ITGA10: variants seen among roughly 807,000 people sequenced by gnomAD.
The protein encoded by ITGA10 is integrin alpha-10.
In ITGA10, 105 loss-of-function variants were observed where a neutral mutation model predicts 145.2. The ratio of observed to expected loss-of-function variants is 0.72; its 90% CI spans 0.62 to 0.85. The LOEUF (loss-of-function observed/expected upper bound fraction) is 0.85, where lower values mean the gene tolerates loss of function less well. Among genes scored for constraint, ITGA10 ranks in the 40% least tolerant of loss-of-function variants. ITGA10 has a pLI of 0.00. For missense variants in ITGA10, 1,317 were observed against 1,444.5 expected (o/e 0.91, Z 1.43); for synonymous variants, 506 against 557.8 (o/e 0.91, Z 1.31).
In ITGA10 at chr1:145,896,061, G is replaced by A. The variant is rs1655353288; in HGVS notation, c.2955C>T (p.Leu985=). 1 of 1,614,198 alleles carries A rather than the reference G, an allele frequency of 6.2e-7. No individual in the cohort carries two copies. The highest frequency in any genetic ancestry group is 8.5e-7 in the Non-Finnish European group (1 of 1,180,040). Residue 985 remains leucine, a synonymous_variant, in exon 25 of 30, where the codon CTC becomes CTT. Coordinates refer to ENST00000369304, the MANE Select transcript of ITGA10 (RefSeq NM_003637.5). The part of the protein sequence containing the change: ...QNLGCYVVSG[L]IISALLPAVA... ...CAGCTGGAAGGAGGGCTGAGATGATGAGGCCACTGACCACATAGCAGCCTA... is the reference window on the plus strand; with the variant it reads ...CAGCTGGAAGGAGGGCTGAGATGATAAGGCCACTGACCACATAGCAGCCTA...
chr1:145,905,114 T>A lies in ITGA10; in HGVS notation c.482-303A>T, dbSNP rs868993882. On this transcript the variant is annotated intron_variant, in intron 5 of 29. Coordinates refer to ENST00000369304, the MANE Select transcript of ITGA10 (RefSeq NM_003637.5). ...GATATAATTTATATATACAATGTTC[T>A]AAAAAACAAGAAGGAATTAAATGCT... Among the ~76,000 whole-genome samples the A allele has an allele frequency of 3.3e-5, 5 of 152,166 alleles. No homozygotes were observed. In the South Asian group the frequency reaches 6.2e-4, roughly 19 times the overall value.
chr1:145,907,284 A>T, intron 2 of ITGA10, 70 bp downstream of exon 2: 2 of 1,612,522 alleles, frequency 1.2e-6, no homozygotes, highest in South Asian at 1.1e-5. Context: ...TTAGAGTCCC[A>T]TCTATCTTGC....
chr1:145,893,494 C>A, intron 28 of ITGA10, 46 bp downstream of exon 28: 1 of 1,454,692 alleles, frequency 6.9e-7, no homozygotes, highest in African/African-American at 1.4e-5. Context: ...ACCACATACC[C>A]ATCATCATTA....
At chr1:145,906,179 T>A (rs970191729) in intron 5 of ITGA10, 3 of 475,644 alleles carry the variant, frequency 6.3e-6, no homozygotes, top group Non-Finnish European at 1.2e-5. Context: ...TCTGCCCACC[T>A]TGGCCTCCCA....
At position 145,902,815 on chromosome 1, in the gene ITGA10, A is replaced by G; in HGVS notation, c.905T>C (p.Ile302Thr). 1 of 1,607,180 alleles carries G rather than the reference A, an allele frequency of 6.2e-7. No homozygotes were observed. The highest frequency in any genetic ancestry group is 8.5e-7 in the Non-Finnish European group (1 of 1,176,784). ...CEAGRVTRYGIAVLGHYLRRQ... is the reference protein window; with the variant it reads ...CEAGRVTRYGTAVLGHYLRRQ... ...AGATCCAGGGTGAATTCTCACTGCA[A>G]TCCCATAGCGTGTCACTCTTCCAGC... The change falls in exon 8 of 30, where the codon ATT becomes ACT. Residue 302 changes from isoleucine (I) to threonine (T), a missense_variant. By Grantham distance (89) the Ile-to-Thr change is moderately conservative. Coordinates refer to ENST00000369304, the MANE Select transcript of ITGA10 (RefSeq NM_003637.5).
Position 145,902,270 on chromosome 1 carries a change from A to T in ITGA10, c.1125T>A (p.Ile375=), listed in dbSNP as rs1553749095. The change falls in exon 10 of 30, where the codon ATT becomes ATA. Residue 375 remains isoleucine, a synonymous_variant. Transcript: ENST00000369304. ...CCTTTAGCCGATGAGTGGAGAAACCAATCTGAGACATTTCCAGCCCAAAGG... is the reference window on the plus strand; with the variant it reads ...CCTTTAGCCGATGAGTGGAGAAACCTATCTGAGACATTTCCAGCCCAAAGG... ...ESSFGLEMSQ[I]GFSTHRLKDG... is the part of the protein sequence containing the mutation. 1 of 1,614,164 alleles carries T rather than the reference A, an allele frequency of 6.2e-7. No individual in the cohort carries two copies. Among genetic ancestry groups the T allele is most frequent in the Non-Finnish European group, 8.5e-7 (1 of 1,180,030 alleles).
Position 145,894,582 on chromosome 1 carries a change from C to T in ITGA10, c.3228+698G>A, listed in dbSNP as rs368298702. On this transcript the variant is annotated intron_variant, in intron 27 of 29. Coordinates refer to ENST00000369304, the MANE Select transcript of ITGA10 (RefSeq NM_003637.5). ...TATTCCAGGTAGATATGGGAAAGCA[C>T]AACATTGACCTTAGTGCCAAACAGC... 5.3e-4 allele frequency among the ~76,000 whole-genome samples: 81 copies of T among 152,156 alleles called. 1 individual carries two copies. The highest frequency in any genetic ancestry group is 6.3e-3 in the Middle Eastern group (2 of 316).
rs1656887367 is a variant in ITGA10 at position 145,904,761 on chromosome 1, T to C, written c.532A>G (p.Ile178Val). The change falls in exon 6 of 30, where the codon ATC becomes GTC. Residue 178 changes from isoleucine to valine, a missense_variant. Ile to Val is a conservative substitution (Grantham distance 29). Transcript: ENST00000369304. ...GTCTGAACTTCAGACCAGGGGTAGA[T>C]GCTGTTGGAGCCATCCAAGACAATG... is the stretch of plus-strand genomic sequence containing the variant. ...VVIVLDGSNSIYPWSEVQTFL... is the reference protein window; with the variant it reads ...VVIVLDGSNSVYPWSEVQTFL... 1 of 1,613,878 alleles carries C rather than the reference T, an allele frequency of 6.2e-7. No individual in the cohort carries two copies. Among genetic ancestry groups the C allele is most frequent in the Non-Finnish European group, 8.5e-7 (1 of 1,179,896 alleles).
chr1:145,893,243 A>C lies in ITGA10; in HGVS notation c.3356T>G (p.Ile1119Ser). The C allele has an allele frequency of 6.2e-7, 1 of 1,614,184 alleles. No individual in the cohort carries two copies. Among genetic ancestry groups the C allele is most frequent in the South Asian group, 1.1e-5 (1 of 91,084 alleles). ...TATGAGGATCCACAGGGAGATGAGG[A>C]TAGGCCGGGTCTGAACCACCTCCAA... ...SLLEVVQTRP[I>S]LISLWILIGS... Residue 1119 changes from isoleucine (I) to serine (S), a missense_variant, in exon 29 of 30, where the codon ATC becomes AGC. Transcript: ENST00000369304.
At chr1:145,895,550 C>T in intron 26 of ITGA10, 81 bp downstream of exon 26, 2 of 1,456,816 alleles carry the variant, frequency 1.4e-6, no homozygotes, top group East Asian at 2.3e-5. Flanking sequence ...CCTTCTTCCC[C>T]ACTCCAGTTC....
intron 2 of ITGA10, 40 bp downstream of exon 2, chr1:145,907,314 C>T: frequency 6.2e-7 from 1 of 1,614,136 alleles, no homozygotes; most frequent in Non-Finnish European, 8.5e-7. Flanking sequence ...GTTAGCACTA[C>T]TGCAGTCCCA....
Position 145,896,359 on chromosome 1 carries a change from G to A in ITGA10, c.2835-7C>T. 1.2e-6 allele frequency: 2 copies of A among 1,608,718 alleles called. No individual in the cohort carries two copies. The highest frequency in any genetic ancestry group is 1.7e-6 in the Non-Finnish European group (2 of 1,175,202). On this transcript the variant is annotated splice_polypyrimidine_tract_variant and splice_region_variant and intron_variant, in intron 23 of 29. Coordinates refer to ENST00000369304, the MANE Select transcript of ITGA10 (RefSeq NM_003637.5). ...GCGGTGCAGGGTAGACTCACTGTGT[G>A]AACACCAAGTCAGGAAGTACATGGT...
At position 145,896,772 on chromosome 1, in the gene ITGA10, G is replaced by C. The variant is rs1655468539; in HGVS notation, c.2831C>G (p.Ser944Cys). Reference sequence around the variant, plus strand: ...CCACCCTAGAAGCTGGGCATACCTAGAGAACAGGAGGTGGGGCTCATATTG... The same window carrying C: ...CCACCCTAGAAGCTGGGCATACCTACAGAACAGGAGGTGGGGCTCATATTG... ...YIQYEPHLLF[S>C]SESTLHRYEV... is the part of the protein sequence containing the mutation. The change falls in exon 23 of 30, where the codon TCT (serine) becomes TGT (cysteine). Residue 944 changes from serine to cysteine, a missense_variant. Coordinates refer to ENST00000369304, the MANE Select transcript of ITGA10 (RefSeq NM_003637.5). 1.2e-6 allele frequency: 2 copies of C among 1,612,728 alleles called. No individual in the cohort carries two copies. The highest frequency in any genetic ancestry group is 1.7e-6 in the Non-Finnish European group (2 of 1,178,748).
intron 5 of ITGA10, among the ~76,000 whole-genome samples, chr1:145,905,015 C>T (rs1570904658): frequency 1.3e-5 from 2 of 151,832 alleles, no homozygotes; most frequent in East Asian, 3.9e-4. Flanking sequence ...TGTAAGTATA[C>T]ATATAAATGT....
rs782537357 is a variant in ITGA10 at position 145,895,411 on chromosome 1, G to C, written c.3115-18C>G. ...CTCCCATTCTAACAGAAGAGACAGA[G>C]AGAGACAGATCAGGACTCTGGGGTA... On this transcript the variant is annotated intron_variant, in intron 26 of 29. Coordinates refer to ENST00000369304, the MANE Select transcript of ITGA10 (RefSeq NM_003637.5). 19 of 1,529,024 alleles carry C rather than the reference G, an allele frequency of 1.2e-5. No homozygotes were observed. Among genetic ancestry groups the C allele is most frequent in the South Asian group, 9.0e-5 (8 of 88,648 alleles). The allele number at this position is 1,529,024 out of a possible 1,614,324, so 94.7% of individuals were successfully genotyped here. A position where few individuals can be genotyped will look rare whatever the true frequency, so the allele number is the denominator to read the frequency against.
Position 145,900,158 on chromosome 1 carries a change from G to A in ITGA10, c.1821C>T (p.Ala607=). 6.2e-7 allele frequency: 1 copy of A among 1,613,888 alleles called. No homozygotes were observed. Among genetic ancestry groups the A allele is most frequent in the Non-Finnish European group, 8.5e-7 (1 of 1,179,856 alleles). ...QRIAAASMPH[A]LSYFGRSVDG... is the part of the protein sequence containing the mutation. Reference sequence around the variant, plus strand: ...CCACACTTCGGCCAAAGTAGCTGAGGGCATGTGGCATGGAGGCAGCAGCAA... The same window carrying A: ...CCACACTTCGGCCAAAGTAGCTGAGAGCATGTGGCATGGAGGCAGCAGCAA... The change falls in exon 15 of 30, where the codon GCC becomes GCT. Residue 607 remains alanine, a synonymous_variant. Coordinates refer to ENST00000369304, the MANE Select transcript of ITGA10 (RefSeq NM_003637.5).
At chr1:145,903,024 T>A (rs28369274) in intron 7 of ITGA10, 63 bp from the exon 8 acceptor site, 46 of 377,698 alleles carry the variant, frequency 1.2e-4, no homozygotes, top group Non-Finnish European at 2.0e-4. Context: ...CACACACACA[T>A]ACACACACAC....
chr1:145,906,567 C>T, intron 4 of ITGA10, 59 bp from the exon 5 acceptor site: 1 of 1,478,954 alleles, frequency 6.8e-7, no homozygotes, highest in Non-Finnish European at 9.4e-7. Context: ...GAACATGCTC[C>T]CAGTTGAAGG....
chr1:145,903,398 G>C (rs1319864147), intron 7 of ITGA10, among the ~76,000 whole-genome samples: 2 of 152,134 alleles, frequency 1.3e-5, no homozygotes, highest in Admixed American at 1.3e-4. Flanking sequence ...TGGAACGTGG[G>C]CTAGGACATC....
Sources: allele counts gnomAD v4.1 joint callset (sites outside exome capture counted in the v4.1 genomes callset), GRCh38; gene constraint gnomAD v4.1.1; transcripts MANE v1.5; gene names NCBI Gene and HGNC (gene_info 2026-07-23, HGNC 2026-07-21).